Variants in COL19A1 observed in about 807,000 individuals in gnomAD.
COL19A1 encodes collagen alpha-1(XIX) chain.
In COL19A1, 159 loss-of-function variants were observed where a neutral mutation model predicts 190.2. That is an observed-to-expected ratio of 0.84 (90% CI 0.73 to 0.95). The LOEUF (loss-of-function observed/expected upper bound fraction) is 0.95, where lower values mean the gene tolerates loss of function less well. COL19A1 is among the 40% of genes least tolerant of loss of function. The pLI is 0.00. For missense variants in COL19A1, 1,418 were observed against 1,431.9 expected, an observed-to-expected ratio of 0.99 and a Z score of 0.16; for synonymous variants, 509 against 458.9, an observed-to-expected ratio of 1.11 and a Z score of -1.39.
intron 2 of COL19A1, among the ~76,000 whole-genome samples, chr6:69,883,313 A>T (rs1768690896): frequency 6.6e-6 from 1 of 152,218 alleles, no homozygotes; most frequent in African/African-American, 2.4e-5. Flanking sequence ...GACCTTGGAC[A>T]CTGGTAAATT....
chr6:69,888,002 A>C (rs1381652251), intron 2 of COL19A1, among the ~76,000 whole-genome samples: 1 of 152,160 alleles, frequency 6.6e-6, no homozygotes, highest in African/African-American at 2.4e-5. Context: ...AAGTACATCT[A>C]ATTGCTCTTA....
chr6:69,900,688 CA>C (rs930096616), intron 4 of COL19A1, among the ~76,000 whole-genome samples: 4 of 151,984 alleles, frequency 2.6e-5, no homozygotes, highest in African/African-American at 9.7e-5. Context: ...GATTCAGAGC[CA>C]AAAGACTGAT....
At chr6:70,192,215 C>A (rs1766917986) in intron 48 of COL19A1, among the ~76,000 whole-genome samples, 1 of 152,120 alleles carries the variant, frequency 6.6e-6, no homozygotes, top group Non-Finnish European at 1.5e-5. Flanking sequence ...CACCCACCAC[C>A]AAACCCAGCT....
intron 9 of COL19A1, among the ~76,000 whole-genome samples, chr6:69,951,971 G>T (rs907824926): frequency 1.7e-4 from 26 of 151,846 alleles, no homozygotes; most frequent in African/African-American, 6.3e-4. Flanking sequence ...TACACAGGCA[G>T]GTCTGAATTA....
intron 49 of COL19A1, among the ~76,000 whole-genome samples, chr6:70,205,075 G>A (rs1416526778): frequency 6.6e-6 from 1 of 152,118 alleles, no homozygotes; most frequent in Non-Finnish European, 1.5e-5. Context: ...GTTCTCTCTA[G>A]GGTCTAGGAT....
intron 1 of COL19A1, among the ~76,000 whole-genome samples, chr6:69,867,946 G>T (rs1248901552): frequency 1.3e-5 from 2 of 151,914 alleles, no homozygotes; most frequent in African/African-American, 4.8e-5. Flanking sequence ...AATAAATTGC[G>T]CCACCTCCCT....
chr6:69,905,423 A>G (rs1349525869), intron 4 of COL19A1, among the ~76,000 whole-genome samples: 1 of 152,160 alleles, frequency 6.6e-6, no homozygotes, highest in Non-Finnish European at 1.5e-5. Flanking sequence ...CAGGGTCAGC[A>G]GCTTAACTGT....
rs188089282 is a variant in COL19A1 at position 70,176,604 on chromosome 6, G to A, written c.2667+40G>A. ...CTTCACATCATTTTCACAGGTAAAC[G>A]GTTCTATCTCCATGATACACCTGTG... On this transcript the variant is annotated intron_variant, in intron 42 of 50. Transcript: ENST00000620364. 1.4e-4 allele frequency: 229 copies of A among 1,604,068 alleles called. 4 individuals are homozygous for A. Among genetic ancestry groups the A allele is most frequent in the Admixed American group, 1.3e-3 (75 of 59,480 alleles).
rs370284703 is a variant in COL19A1 at position 70,187,328 on chromosome 6, G to A, written c.2857-747G>A. On this transcript the variant is annotated intron_variant, in intron 46 of 50. Coordinates refer to ENST00000620364, the MANE Select transcript of COL19A1 (RefSeq NM_001858.6). ...TTAGGGCACAGTGATCACACTCAAC[G>A]TGCACACACACATGCATACACGTGT... Among the ~76,000 whole-genome samples the A allele has an allele frequency of 1.7e-4, 16 of 95,324 alleles. 1 individual carries two copies. In the East Asian group the frequency reaches 2.4e-3, roughly 14 times the overall value. 62.5% of individuals were successfully genotyped at this position (95,324 alleles called of 152,430 possible).
chr6:69,887,112 T>C (rs1768998888), intron 2 of COL19A1, among the ~76,000 whole-genome samples: 1 of 152,214 alleles, frequency 6.6e-6, no homozygotes, highest in Non-Finnish European at 1.5e-5. Flanking sequence ...GAAATCATCA[T>C]ATATTTGCTA....
intron 17 of COL19A1, 131 bp downstream of exon 17, chr6:70,122,073 A>T: frequency 1.8e-6 from 1 of 546,916 alleles, no homozygotes. Context: ...ACATCTTTCC[A>T]TACTGAAAGC....
chr6:70,073,699 A>C (rs967673435), intron 15 of COL19A1, among the ~76,000 whole-genome samples: 22 of 152,138 alleles, frequency 1.4e-4, no homozygotes, highest in African/African-American at 3.9e-4. Flanking sequence ...CTTGATAATA[A>C]AATTAAGTAT....
At chr6:69,956,093 G>A (rs997442000) in intron 9 of COL19A1, among the ~76,000 whole-genome samples, 1 of 151,838 alleles carries the variant, frequency 6.6e-6, no homozygotes. Context: ...CTAGGCACAT[G>A]CACCTGTATA....
At chr6:70,031,642 T>C (rs967398644) in intron 12 of COL19A1, among the ~76,000 whole-genome samples, 1 of 152,194 alleles carries the variant, frequency 6.6e-6, no homozygotes, top group Non-Finnish European at 1.5e-5. Context: ...GACAGGATTT[T>C]GTTTTCTTAT....
chr6:70,178,562 A>C (rs575348038), intron 42 of COL19A1, among the ~76,000 whole-genome samples: 1 of 152,332 alleles, frequency 6.6e-6, no homozygotes, highest in Non-Finnish European at 1.5e-5. Context: ...GCTAGATGAC[A>C]GTGTGAATGC....
chr6:69,912,693 C>T (rs1771028157), intron 4 of COL19A1, among the ~76,000 whole-genome samples: 6 of 152,038 alleles, frequency 3.9e-5, no homozygotes, highest in Admixed American at 3.9e-4. Context: ...TCTAACTGTC[C>T]CCTGGGCCCT....
chr6:70,155,872 T>G (rs1259848292), intron 31 of COL19A1, among the ~76,000 whole-genome samples: 1 of 152,168 alleles, frequency 6.6e-6, no homozygotes, highest in East Asian at 1.9e-4. Flanking sequence ...TCTATTTAAG[T>G]GTCATTGGAG....
At chr6:70,130,051 T>C in intron 17 of COL19A1, 131 bp from the exon 18 acceptor site, 1 of 814,594 alleles carries the variant, frequency 1.2e-6, no homozygotes, top group Non-Finnish European at 1.9e-6. Flanking sequence ...CAAAGATGTC[T>C]GCACAAATGA....
intron 16 of COL19A1, among the ~76,000 whole-genome samples, chr6:70,109,244 T>G (rs1784144159): frequency 6.6e-6 from 1 of 152,060 alleles, no homozygotes; most frequent in Non-Finnish European, 1.5e-5. Flanking sequence ...CTAATTGAGG[T>G]GGTCCAGGGA....
Sources: gnomAD v4.1 joint callset for allele counts (sites outside exome capture counted in the v4.1 genomes callset) on GRCh38, gnomAD v4.1.1 for gene constraint, MANE v1.5 for transcripts, NCBI Gene and HGNC (gene_info 2026-07-23, HGNC 2026-07-21) for gene names.